The following CEP162 variants were observed in gnomAD, a reference collection of about 807,000 sequenced individuals.
CEP162 encodes centrosomal protein 162.
In CEP162, 141 loss-of-function variants were observed where a neutral mutation model predicts 169.2. The observed-to-expected ratio is 0.83, with a 90% CI of 0.73 to 0.96. The LOEUF is 0.96. Among genes scored for constraint, CEP162 ranks in the 40% least tolerant of loss-of-function variants. The pLI is 0.00. For synonymous variants in CEP162, 540 were observed against 526.4 expected (o/e 1.03, Z -0.35); for missense variants, 1,600 against 1,587.2 (o/e 1.01, Z -0.14).
At chr6:84,147,085 A>T (rs922214089) in intron 24 of CEP162, among the ~76,000 whole-genome samples, 4 of 152,198 alleles carry the variant, frequency 2.6e-5, no homozygotes, top group Admixed American at 2.0e-4. Context: ...AAAGATATGG[A>T]ATCAATCTAA....
intron 2 of CEP162, 106 bp from the exon 3 acceptor site, chr6:84,221,277 A>C (rs983414220): frequency 4.9e-5 from 29 of 589,444 alleles, no homozygotes; most frequent in Non-Finnish European, 8.1e-5. Context: ...TTCAGCTATC[A>C]CATAGATAAA....
chr6:84,157,680 A>G (rs2099523782), intron 21 of CEP162, among the ~76,000 whole-genome samples: 1 of 152,120 alleles, frequency 6.6e-6, no homozygotes, highest in South Asian at 2.1e-4. Flanking sequence ...AAAAAAAGAA[A>G]TATGTCTTCA....
chr6:84,210,855 G>C (rs1480907128), intron 6 of CEP162, among the ~76,000 whole-genome samples: 6 of 152,040 alleles, frequency 3.9e-5, no homozygotes, highest in Admixed American at 3.3e-4. Flanking sequence ...TAGGGTTAGA[G>C]GTTACTAGAG....
intron 10 of CEP162, 112 bp downstream of exon 10, chr6:84,194,772 G>T: frequency 1.1e-6 from 1 of 908,916 alleles, no homozygotes. Context: ...CTTTAATTAA[G>T]CTCAGAGACT....
chr6:84,192,677 C>T (rs893589341), intron 11 of CEP162, among the ~76,000 whole-genome samples: 9 of 152,198 alleles, frequency 5.9e-5, no homozygotes, highest in Non-Finnish European at 1.2e-4. Context: ...CAAATGACAA[C>T]ATGAATGGAT....
chr6:84,197,554 T>C (rs1023057749), intron 9 of CEP162, among the ~76,000 whole-genome samples: 1 of 152,132 alleles, frequency 6.6e-6, no homozygotes, highest in African/African-American at 2.4e-5. Context: ...GGCTCACGCC[T>C]GTAATCCCAG....
rs1203697575 is a variant in CEP162, at chr6:84,193,677, T to C, written c.1041A>G (p.Val347=). ...TTCTGATAGGTTTCATCAGCTCCTC[T>C]ACTGTGGGCAGATCTAAGAGGTGGA... ...ISTMESDLPT[V]EELMKPIRID... is the part of the protein sequence containing the mutation. Residue 347 remains valine, a synonymous_variant, in exon 11 of 27, where the codon GTA becomes GTG. Transcript: ENST00000403245. 6.4e-7 allele frequency: 1 copy of C among 1,563,286 alleles called. No individual in the cohort carries two copies. Among genetic ancestry groups the C allele is most frequent in the Non-Finnish European group, 8.7e-7 (1 of 1,152,580 alleles).
At chr6:84,227,543 T>G (rs899819214) in intron 1 of CEP162, 37 bp downstream of exon 1, 3 of 152,250 alleles carry the variant, frequency 2.0e-5, no homozygotes, top group Non-Finnish European at 4.4e-5. Flanking sequence ...CCAGGGCGAT[T>G]TGGGTGGGAA....
rs574111027 is a variant in CEP162, at chr6:84,152,447, C to T, written c.3629+98G>A. 3.2e-4 allele frequency: 192 copies of T among 604,152 alleles called. 1 individual carries two copies. The highest frequency in any genetic ancestry group is 2.6e-3 in the African/African-American group (134 of 52,498). The allele number at this position is 604,152 out of a possible 1,614,324, so 37.4% of individuals were successfully genotyped here. ...TTAATATTCACTTATGAATTCAGTT[C>T]GGGGTCAAACTAATTATCTGGAGGA... On this transcript the variant is annotated intron_variant, in intron 23 of 26. Coordinates refer to ENST00000403245, the MANE Select transcript of CEP162 (RefSeq NM_014895.4).
intron 16 of CEP162, among the ~76,000 whole-genome samples, chr6:84,172,215 A>T (rs2099530431): frequency 6.6e-6 from 1 of 152,162 alleles, no homozygotes. Flanking sequence ...TCTGCTACTG[A>T]CTGTAAACAG....
intron 9 of CEP162, among the ~76,000 whole-genome samples, chr6:84,197,829 A>C (rs1348515375): frequency 7.3e-6 from 1 of 137,504 alleles, no homozygotes; most frequent in Non-Finnish European, 1.5e-5. Context: ...ACAAAACAAA[A>C]AAAAAAAAAA....
intron 2 of CEP162, among the ~76,000 whole-genome samples, chr6:84,225,573 T>G (rs1231784842): frequency 6.6e-6 from 1 of 151,636 alleles, no homozygotes; most frequent in Non-Finnish European, 1.5e-5. Flanking sequence ...AAATATTTAT[T>G]AAGTATTTAT....
At chr6:84,125,492 G>C (rs907446166) in intron 26 of CEP162, among the ~76,000 whole-genome samples, 6 of 152,062 alleles carry the variant, frequency 3.9e-5, no homozygotes, top group African/African-American at 1.4e-4. Flanking sequence ...TTCATATGTT[G>C]AATTTCCTAA....
At chr6:84,139,208 A>G (rs1199720797) in intron 25 of CEP162, among the ~76,000 whole-genome samples, 1 of 152,172 alleles carries the variant, frequency 6.6e-6, no homozygotes, top group Non-Finnish European at 1.5e-5. Context: ...TAGCCCAGAG[A>G]TGGCACCAGA....
chr6:84,131,032 T>C (rs567020997), intron 25 of CEP162, among the ~76,000 whole-genome samples: 2 of 152,368 alleles, frequency 1.3e-5, no homozygotes, highest in East Asian at 3.9e-4. Flanking sequence ...TTTAAATGTG[T>C]CCCAGAGATT....
Position 84,175,351 on chromosome 6 carries a change from A to C in CEP162, c.1664-4T>G. 6.5e-7 allele frequency: 1 copy of C among 1,533,554 alleles called. No homozygotes were observed. The highest frequency in any genetic ancestry group is 8.8e-7 in the Non-Finnish European group (1 of 1,136,438). 95.0% of individuals were successfully genotyped at this position (1,533,554 alleles called of 1,614,324 possible). A position where few individuals can be genotyped will look rare whatever the true frequency, so the allele number is the denominator to read the frequency against. On this transcript the variant is annotated splice_region_variant and splice_polypyrimidine_tract_variant and intron_variant, in intron 13 of 26. Coordinates refer to ENST00000403245, the MANE Select transcript of CEP162 (RefSeq NM_014895.4). ...AGTTTTGTTCCAGATAAGATTTCTA[A>C]ATATTATAAACAATGTATAAATGCA...
chr6:84,222,236 T>C (rs1385134632), intron 2 of CEP162, among the ~76,000 whole-genome samples: 1 of 152,156 alleles, frequency 6.6e-6, no homozygotes, highest in Non-Finnish European at 1.5e-5. Context: ...AGTACCACTG[T>C]CAGTTATCCT....
intron 25 of CEP162, among the ~76,000 whole-genome samples, chr6:84,139,513 T>G (rs1285030266): frequency 6.6e-6 from 1 of 152,150 alleles, no homozygotes; most frequent in Non-Finnish European, 1.5e-5. Context: ...GAAAAAAAAT[T>G]TTTCCTTCCT....
chr6:84,215,338 C>T lies in CEP162; in HGVS notation c.447G>A (p.Ser149=), dbSNP rs149716513. The change falls in exon 5 of 27, where the codon TCG becomes TCA. Residue 149 remains serine (S), a synonymous_variant. Coordinates refer to ENST00000403245, the MANE Select transcript of CEP162 (RefSeq NM_014895.4). The part of the protein sequence containing the change: ...EKGLTSSIDY[S]RLNKELDSND... Reference sequence around the variant, plus strand: ...TAGAATCCAATTCCTTATTTAATCTCGAATAATCAATGGAAGATGTCAAGC... The same window carrying T: ...TAGAATCCAATTCCTTATTTAATCTTGAATAATCAATGGAAGATGTCAAGC... The T allele has an allele frequency of 1.1e-5, 17 of 1,602,246 alleles. No homozygotes were observed. In the African/African-American group the frequency reaches 1.5e-4, roughly 14 times the overall value.
Sources: allele counts gnomAD v4.1 joint callset (sites outside exome capture counted in the v4.1 genomes callset), GRCh38; gene constraint gnomAD v4.1.1; transcripts MANE v1.5; gene names NCBI Gene and HGNC (gene_info 2026-07-23, HGNC 2026-07-21).